Variants in EMID1 observed in about 807,000 individuals in gnomAD.
The protein encoded by EMID1 is EMI domain containing 1.
EMID1 carries 40 observed loss-of-function variants against 60.6 expected under a neutral mutation model. The observed-to-expected ratio is 0.66, with a 90% confidence interval of 0.51 to 0.86. EMID1 has a LOEUF of 0.86. EMID1 is among the 40% of genes least tolerant of loss of function. The pLI is 0.00. For missense variants in EMID1, 585 were observed against 597.1 expected (o/e 0.98, Z 0.21); for synonymous variants, 242 against 231.0 (o/e 1.05, Z -0.43).
At position 29,254,300 on chromosome 22, in the gene EMID1, AGACAGACG is replaced by A. The variant is rs779230321; in HGVS notation, c.1204+23_1204+30del. The A allele has an allele frequency of 4.3e-6, 7 of 1,612,292 alleles. No individual in the cohort carries two copies. The highest frequency in any genetic ancestry group is 5.9e-6 in the Non-Finnish European group (7 of 1,178,320). On this transcript the variant is annotated intron_variant, in intron 14 of 14. Transcript: ENST00000334018. ...ATTGGGCTCTATGGTGAGTAGAGAC[AGACAGACG>A]GACAGACGGCCCAGCCCCTGCCTGC...
At chr22:29,225,059 C>T (rs1456105942) in intron 3 of EMID1, 74 bp from the exon 4 acceptor site, 1 of 1,497,378 alleles carries the variant, frequency 6.7e-7, no homozygotes, top group Non-Finnish European at 9.2e-7. Context: ...CCTGCTGGGG[C>T]TACAGTGGTG....
intron 3 of EMID1, among the ~76,000 whole-genome samples, chr22:29,224,214 G>A (rs1489225692): frequency 2.0e-5 from 3 of 152,196 alleles, no homozygotes; most frequent in East Asian, 1.9e-4. Context: ...GGCGCCTCTC[G>A]CTCCCTGCAT....
rs565632688 is a variant in EMID1, at chr22:29,253,389, C to T, written c.1120-814C>T. Among the ~76,000 whole-genome samples, 3 of 152,344 alleles carry T rather than the reference C, an allele frequency of 2.0e-5. No individual in the cohort carries two copies. The East Asian group carries it at 5.8e-4, about 29-fold the overall frequency. ...CCTGAGGTCAGGAGTTCCAGACCAGCCTGACCAACATGGAGAAACCCTGTC... is the reference window on the plus strand; with the variant it reads ...CCTGAGGTCAGGAGTTCCAGACCAGTCTGACCAACATGGAGAAACCCTGTC... On this transcript the variant is annotated intron_variant, in intron 13 of 14. Coordinates refer to ENST00000334018, the MANE Select transcript of EMID1 (RefSeq NM_133455.4).
At chr22:29,230,736 G>A (rs1432402959) in intron 5 of EMID1, among the ~76,000 whole-genome samples, 1 of 151,950 alleles carries the variant, frequency 6.6e-6, no homozygotes, top group East Asian at 2.0e-4. Flanking sequence ...ATGATTGCTT[G>A]AGCCCAGGAG....
intron 5 of EMID1, among the ~76,000 whole-genome samples, chr22:29,230,534 A>G (rs1455875425): frequency 3.3e-5 from 5 of 152,150 alleles, no homozygotes; most frequent in African/African-American, 1.2e-4. Context: ...GCGTGTTATG[A>G]ATTGTGTGCT....
At chr22:29,229,241 A>G (rs2040638620) in intron 5 of EMID1, among the ~76,000 whole-genome samples, 1 of 152,140 alleles carries the variant, frequency 6.6e-6, no homozygotes, top group Non-Finnish European at 1.5e-5. Context: ...TAAGAGGCTG[A>G]GGCAGGAGGA....
chr22:29,225,170 G>A lies in EMID1; in HGVS notation c.357G>A (p.Ser119=), dbSNP rs562122155. 4.6e-5 allele frequency: 75 copies of A among 1,613,964 alleles called. 1 individual carries two copies. Among genetic ancestry groups the A allele is most frequent in the South Asian group, 4.6e-4 (42 of 91,074 alleles). The change falls in exon 4 of 15, where the codon TCG becomes TCA. Residue 119 remains serine, a synonymous_variant. Coordinates refer to ENST00000334018, the MANE Select transcript of EMID1 (RefSeq NM_133455.4). ...ASSASLEPMW[S]GSTMRRMALR... ...CTGCCTCCTTGGAGCCCATGTGGTC[G>A]GGCAGTACCATGCGGCGGATGGCGC...
chr22:29,205,979 G>A lies in EMID1; in HGVS notation c.-60G>A. 1.9e-6 allele frequency: 2 copies of A among 1,055,110 alleles called. No homozygotes were observed. The highest frequency in any genetic ancestry group is 2.3e-6 in the Non-Finnish European group (2 of 853,074). The allele number at this position is 1,055,110 out of a possible 1,614,324, so 65.4% of individuals were successfully genotyped here. A position where few individuals can be genotyped will look rare whatever the true frequency, so the allele number is the denominator to read the frequency against. On this transcript the variant is annotated 5_prime_UTR_variant, in exon 1 of 15. Coordinates refer to ENST00000334018, the MANE Select transcript of EMID1 (RefSeq NM_133455.4). Reference sequence around the variant, plus strand: ...GCTGGCGGCGCGGGCAGGCAGGCGGGGAGGACAGGCTGGGGGCGGCGACCG... The same window carrying A: ...GCTGGCGGCGCGGGCAGGCAGGCGGAGAGGACAGGCTGGGGGCGGCGACCG...
intron 14 of EMID1, 92 bp from the exon 15 acceptor site, chr22:29,258,725 C>A: frequency 6.6e-7 from 1 of 1,523,408 alleles, no homozygotes; most frequent in Non-Finnish European, 8.8e-7. Context: ...GCAGAGCGTG[C>A]CCGGTTCTGC....
Position 29,225,124 on chromosome 22 carries a change from A to G in EMID1, c.320-9A>G. On this transcript the variant is annotated splice_polypyrimidine_tract_variant and intron_variant, in intron 3 of 14. Coordinates refer to ENST00000334018, the MANE Select transcript of EMID1 (RefSeq NM_133455.4). The stretch of plus-strand genomic sequence containing the variant: ...CATGCCAGCAGGGCTCTCACCCTCC[A>G]TCCCTTAGTTGCAGCTTCCTCTGCC... 6.2e-7 allele frequency: 1 copy of G among 1,613,512 alleles called. No homozygotes were observed. The highest frequency in any genetic ancestry group is 8.5e-7 in the Non-Finnish European group (1 of 1,179,754).
chr22:29,249,866 C>T (rs1176227711), intron 13 of EMID1, among the ~76,000 whole-genome samples: 3 of 152,154 alleles, frequency 2.0e-5, no homozygotes, highest in Non-Finnish European at 4.4e-5. Context: ...CTGCCCGCCT[C>T]AGCCTCCCAA....
Position 29,232,583 on chromosome 22 carries a change from A to G in EMID1, c.823+181A>G, listed in dbSNP as rs2040792409. 15 of 676,386 alleles carry G rather than the reference A, an allele frequency of 2.2e-5. No individual in the cohort carries two copies. The South Asian group carries it at 3.3e-4, about 15-fold the overall frequency. 41.9% of individuals were successfully genotyped at this position (676,386 alleles called of 1,614,324 possible). A position where few individuals can be genotyped will look rare whatever the true frequency, so the allele number is the denominator to read the frequency against. ...TGGTTACAGGTGAGGAACACTGAGG[A>G]CCAGAGAGGGAAGGTGGCTTGCCAG... On this transcript the variant is annotated intron_variant, in intron 8 of 14. Coordinates refer to ENST00000334018, the MANE Select transcript of EMID1 (RefSeq NM_133455.4).
chr22:29,258,861 C>G lies in EMID1; in HGVS notation c.1249C>G (p.Pro417Ala). 6.2e-7 allele frequency: 1 copy of G among 1,613,122 alleles called. No individual in the cohort carries two copies. The highest frequency in any genetic ancestry group is 8.5e-7 in the Non-Finnish European group (1 of 1,179,754). The change falls in exon 15 of 15, where the codon CCC (proline) becomes GCC (alanine). Residue 417 changes from proline (P) to alanine (A), a missense_variant. By Grantham distance (27) the Pro-to-Ala change is conservative. Transcript: ENST00000334018. ...GGCGGGCCCTGCCGGCACAGGCACC[C>G]CCAGCCTCCTTCGGGGCAAGAGGGG... The part of the protein sequence containing the change: ...SGAGPAGTGT[P>A]SLLRGKRGGH...
chr22:29,244,401 G>A (rs1011292598), intron 13 of EMID1, among the ~76,000 whole-genome samples: 3 of 152,054 alleles, frequency 2.0e-5, no homozygotes, highest in Admixed American at 1.3e-4. Context: ...GACCAGCCTG[G>A]CCAACATGGC....
intron 14 of EMID1, chr22:29,255,412 A>G (rs1439294518): frequency 1.1e-5 from 15 of 1,347,134 alleles, no homozygotes; most frequent in Non-Finnish European, 1.5e-5. Flanking sequence ...AAGGGCCTGG[A>G]AAAGGCCTGG....
intron 3 of EMID1, among the ~76,000 whole-genome samples, chr22:29,222,135 C>A (rs748583642): frequency 1.2e-4 from 18 of 152,144 alleles, no homozygotes; most frequent in Admixed American, 2.6e-4. Context: ...GATAGGGTCT[C>A]ACTCTTTCAG....
intron 5 of EMID1, 35 bp from the exon 6 acceptor site, chr22:29,230,985 C>A: frequency 6.2e-7 from 1 of 1,601,730 alleles, no homozygotes; most frequent in Non-Finnish European, 8.5e-7. Context: ...CTAGTGAGAC[C>A]CTGGTACCCA....
chr22:29,248,961 T>C lies in EMID1; in HGVS notation c.1120-5242T>C, dbSNP rs2041425801. Among the ~76,000 whole-genome samples the C allele has an allele frequency of 2.6e-5, 4 of 152,226 alleles. No individual in the cohort carries two copies. In the South Asian group the frequency reaches 8.3e-4, roughly 31 times the overall value. ...TCCATCGTAGACTGAAACATCATTA[T>C]GTGATGTATGACTGTATTGAGCCAC... On this transcript the variant is annotated intron_variant, in intron 13 of 14. Coordinates refer to ENST00000334018, the MANE Select transcript of EMID1 (RefSeq NM_133455.4).
At chr22:29,236,985 T>G (rs991796588) in intron 12 of EMID1, among the ~76,000 whole-genome samples, 3 of 150,666 alleles carry the variant, frequency 2.0e-5, no homozygotes, top group African/African-American at 4.9e-5. Flanking sequence ...TTAGTAGAGA[T>G]GGGGTTTCAC....
Sources: gnomAD v4.1 joint callset for allele counts (sites outside exome capture counted in the v4.1 genomes callset) on GRCh38, gnomAD v4.1.1 for gene constraint, MANE v1.5 for transcripts, NCBI Gene and HGNC (gene_info 2026-07-23, HGNC 2026-07-21) for gene names.